The following LINGO2 variants were observed in gnomAD, a reference collection of about 807,000 sequenced individuals.
The protein encoded by LINGO2 is leucine-rich repeat and immunoglobulin-like domain-containing nogo receptor-interacting protein 2.
A neutral mutation model predicts 30.6 loss-of-function variants in LINGO2; 14 were observed. The ratio of observed to expected loss-of-function variants is 0.46; its 90% CI spans 0.30 to 0.72. The LOEUF (loss-of-function observed/expected upper bound fraction) is 0.72. LINGO2 is among the 30% of genes least tolerant of loss of function. The pLI is 0.07. For missense variants in LINGO2, 729 were observed against 751.7 expected, an observed-to-expected ratio of 0.97 and a Z score of 0.35; for synonymous variants, 317 against 288.5, an observed-to-expected ratio of 1.10 and a Z score of -1.00.
At chr9:27,981,325 C>G (rs190664908) in intron 5 of LINGO2, among the ~76,000 whole-genome samples, 1 of 151,092 alleles carries the variant, frequency 6.6e-6, no homozygotes, top group African/African-American at 2.4e-5. Context: ...ATAAGAAAAT[C>G]GAGGCAGAAA....
the LINGO2 span, among the ~76,000 whole-genome samples, chr9:28,808,353 GTTTTGTTTTCAATGACTTT>G: frequency 6.6e-6 from 1 of 152,120 alleles, no homozygotes; most frequent in African/African-American, 2.4e-5. Flanking sequence ...CTACTTTATA[GTTTTGTTTTCAATGACTTT>G]TTTTGTTTTC....
At chr9:28,770,787 T>C in the LINGO2 span, among the ~76,000 whole-genome samples, 3 of 152,228 alleles carry the variant, frequency 2.0e-5, no homozygotes, top group African/African-American at 7.2e-5. Flanking sequence ...AAAGTATTAA[T>C]TGTTATTTCT....
chr9:28,379,816 A>G (rs1306995394), intron 2 of LINGO2, among the ~76,000 whole-genome samples: 1 of 152,134 alleles, frequency 6.6e-6, no homozygotes. Context: ...GGAAGGCTTC[A>G]TGAGTGAAGA....
At chr9:28,217,311 T>A (rs1419416422) in intron 4 of LINGO2, among the ~76,000 whole-genome samples, 1 of 151,812 alleles carries the variant, frequency 6.6e-6, no homozygotes, top group Non-Finnish European at 1.5e-5. Flanking sequence ...AAACACCAAA[T>A]AGAAATTAAA....
At chr9:29,089,764 T>C in the LINGO2 span, among the ~76,000 whole-genome samples, 1 of 152,192 alleles carries the variant, frequency 6.6e-6, no homozygotes, top group African/African-American at 2.4e-5. Context: ...CTTATTGGTT[T>C]TTATCTGCTT....
intron 1 of LINGO2, among the ~76,000 whole-genome samples, chr9:28,578,230 G>A (rs564411928): frequency 6.6e-6 from 1 of 152,098 alleles, no homozygotes; most frequent in Non-Finnish European, 1.5e-5. Context: ...AGTGCCAAAA[G>A]CATAAAGACT....
the LINGO2 span, among the ~76,000 whole-genome samples, chr9:29,078,659 T>A: frequency 6.6e-6 from 1 of 151,998 alleles, no homozygotes; most frequent in Non-Finnish European, 1.5e-5. Flanking sequence ...CGTACACATA[T>A]ATGCCAACCA....
In LINGO2 at chr9:28,664,906, T is replaced by A. The variant is rs867093835; in HGVS notation, c.-365+5294A>T. On this transcript the variant is annotated intron_variant, in intron 1 of 5. Transcript: ENST00000379992. ...AATATTTTCTTTCACATATTTTTGT[T>A]ATTAACGGACTCCACACCAAAACTA... is the stretch of plus-strand genomic sequence containing the variant. Among the ~76,000 whole-genome samples the A allele has an allele frequency of 3.9e-4, 58 of 150,582 alleles. 1 individual carries two copies. In the Middle Eastern group the frequency reaches 0.021, roughly 54 times the overall value.
At chr9:28,981,490 T>C in the LINGO2 span, among the ~76,000 whole-genome samples, 1 of 152,156 alleles carries the variant, frequency 6.6e-6, no homozygotes, top group African/African-American at 2.4e-5. Flanking sequence ...TCTGCTGTTA[T>C]GGTAAACACT....
chr9:27,996,830 C>T (rs1422782810), intron 5 of LINGO2, among the ~76,000 whole-genome samples: 2 of 152,158 alleles, frequency 1.3e-5, no homozygotes, highest in Non-Finnish European at 1.5e-5. Context: ...TTGATCATTA[C>T]ACATTGTATG....
chr9:28,726,102 C>A, the LINGO2 span, among the ~76,000 whole-genome samples: 2 of 152,072 alleles, frequency 1.3e-5, no homozygotes, highest in Non-Finnish European at 2.9e-5. Context: ...AGACAATAAG[C>A]AATCATTTTG....
At chr9:29,034,623 T>C in the LINGO2 span, among the ~76,000 whole-genome samples, 1 of 152,194 alleles carries the variant, frequency 6.6e-6, no homozygotes, top group South Asian at 2.1e-4. Flanking sequence ...CTCTGATCAA[T>C]AATTTTGCTC....
intron 2 of LINGO2, among the ~76,000 whole-genome samples, chr9:28,431,455 G>C (rs1823673552): frequency 1.3e-5 from 2 of 152,110 alleles, no homozygotes; most frequent in Admixed American, 1.3e-4. Flanking sequence ...TAAATAATTG[G>C]AAATGATTGA....
At chr9:28,740,705 T>G in the LINGO2 span, among the ~76,000 whole-genome samples, 1 of 152,028 alleles carries the variant, frequency 6.6e-6, no homozygotes, top group Admixed American at 6.5e-5. Flanking sequence ...TATATATTTT[T>G]TATTCAAAAC....
At position 28,287,889 on chromosome 9, in the gene LINGO2, T is replaced by C. The variant is rs181244708; in HGVS notation, c.-87+7319A>G. Among the ~76,000 whole-genome samples, 455 of 152,246 alleles carry C rather than the reference T, an allele frequency of 3.0e-3. 7 individuals carry two copies. The highest frequency in any genetic ancestry group is 3.0e-3 in the Non-Finnish European group (207 of 67,982). ...ATGAAGGGTTTTAAAGTCAGTTTTA[T>C]AAAGGAAAAAGTTGCAAATGTAGAA... On this transcript the variant is annotated intron_variant, in intron 4 of 5. Transcript: ENST00000379992.
At chr9:28,871,231 T>C in the LINGO2 span, among the ~76,000 whole-genome samples, 3 of 151,490 alleles carry the variant, frequency 2.0e-5, no homozygotes, top group Non-Finnish European at 4.4e-5. Flanking sequence ...AAATAATATA[T>C]AAATACTTTA....
At chr9:29,049,074 G>T in the LINGO2 span, among the ~76,000 whole-genome samples, 2 of 152,062 alleles carry the variant, frequency 1.3e-5, no homozygotes, top group East Asian at 3.9e-4. Context: ...CATTTGACAA[G>T]GGATTAATAA....
the LINGO2 span, among the ~76,000 whole-genome samples, chr9:28,732,860 TGATGCAAGAAATCCTGGCCG>T: frequency 2.2e-4 from 34 of 152,176 alleles, no homozygotes; most frequent in East Asian, 1.4e-3. Context: ...AATCCTGGCC[TGATGCAAGAAATCCTGGCCG>T]GATGCAAGAA....
chr9:29,108,218 T>A, the LINGO2 span, among the ~76,000 whole-genome samples: 1 of 152,154 alleles, frequency 6.6e-6, no homozygotes, highest in Admixed American at 6.5e-5. Context: ...CCTGCCAACA[T>A]AATCTTGACA....
Sources: allele counts gnomAD v4.1 joint callset (sites outside exome capture counted in the v4.1 genomes callset), GRCh38; gene constraint gnomAD v4.1.1; transcripts MANE v1.5; gene names NCBI Gene and HGNC (gene_info 2026-07-23, HGNC 2026-07-21).